BCAS3: variants seen among roughly 807,000 people sequenced by gnomAD.
The protein encoded by BCAS3 is BCAS3 microtubule associated cell migration factor.
Under a neutral mutation model 116.1 loss-of-function variants are expected in BCAS3, and 53 were observed. That is an observed-to-expected ratio of 0.46 (90% CI 0.37 to 0.57). The LOEUF (loss-of-function observed/expected upper bound fraction) is 0.57. BCAS3 is among the 20% of genes least tolerant of loss of function. The pLI is 0.00. For synonymous variants in BCAS3, 391 were observed against 408.2 expected, an observed-to-expected ratio of 0.96 and a Z score of 0.51; for missense variants, 917 against 1,165.4, an observed-to-expected ratio of 0.79 and a Z score of 3.10.
chr17:60,914,604 C>T (rs1415723311), intron 12 of BCAS3, among the ~76,000 whole-genome samples: 1 of 152,122 alleles, frequency 6.6e-6, no homozygotes, highest in East Asian at 1.9e-4. Context: ...TGGGTTTGAA[C>T]TGCACAGGTC....
Position 61,141,918 on chromosome 17 carries a change from AAAGTT to A in BCAS3, c.2425+57356_2425+57360del, listed in dbSNP as rs754218070. ...CCACCTCAAGAAAAAAAAAAAAAAA[AAAGTT>A]AGACAATTATACAGAGATACTCAAG... On this transcript the variant is annotated intron_variant, in intron 22 of 23. Transcript: ENST00000407086. The surrounding 1 kb of genome is among the most constrained non-coding windows in gnomAD (Gnocchi z 4.3). Among the ~76,000 whole-genome samples, 1,201 of 35,702 alleles carry A rather than the reference AAAGTT, an allele frequency of 0.034. 41 individuals are homozygous for A. The highest frequency in any genetic ancestry group is 0.22 in the Non-Finnish European group (411 of 1,894). The allele number at this position is 35,702 out of a possible 152,430, so 23.4% of individuals were successfully genotyped here.
chr17:60,728,526 C>T (rs913461684), intron 5 of BCAS3, among the ~76,000 whole-genome samples: 3 of 151,924 alleles, frequency 2.0e-5, no homozygotes, highest in East Asian at 1.9e-4. Context: ...GTCGCCTAGG[C>T]TGGAGTACAG....
At chr17:60,898,984 A>T (rs1295255551) in intron 10 of BCAS3, among the ~76,000 whole-genome samples, 2 of 151,770 alleles carry the variant, frequency 1.3e-5, no homozygotes, top group South Asian at 4.2e-4. Flanking sequence ...AAAGAAGTGG[A>T]TTGGTTTGGG....
intron 22 of BCAS3, among the ~76,000 whole-genome samples, chr17:61,160,745 TA>T (rs2078124802): frequency 6.6e-6 from 1 of 152,120 alleles, no homozygotes; most frequent in African/African-American, 2.4e-5. Flanking sequence ...TCACTCTAGT[TA>T]AAACTGTGAC....
In BCAS3 at chr17:61,087,072, A is replaced by G. The variant is rs1315341405; in HGVS notation, c.2425+2508A>G. Reference sequence around the variant, plus strand: ...TTGAGTTCTTTATGTAAACATATTTATGGGAAAATTTTGTTGTAGATTCTT... The same window carrying G: ...TTGAGTTCTTTATGTAAACATATTTGTGGGAAAATTTTGTTGTAGATTCTT... On this transcript the variant is annotated intron_variant, in intron 22 of 23. Coordinates refer to ENST00000407086, the MANE Select transcript of BCAS3 (RefSeq NM_017679.5). This position sits in a 1 kb window ranked among gnomAD's most constrained non-coding sequence, Gnocchi z 4.6. 2 of 985,020 alleles carry G rather than the reference A, an allele frequency of 2.0e-6. No individual in the cohort carries two copies. The highest frequency in any genetic ancestry group is 2.4e-6 in the Non-Finnish European group (2 of 829,540). 61.0% of individuals were successfully genotyped at this position (985,020 alleles called of 1,614,324 possible). A position where few individuals can be genotyped will look rare whatever the true frequency, so the allele number is the denominator to read the frequency against.
intron 7 of BCAS3, among the ~76,000 whole-genome samples, chr17:60,865,747 A>T (rs1345872435): frequency 1.3e-5 from 2 of 152,134 alleles, no homozygotes; most frequent in South Asian, 4.1e-4. Context: ...GATGCTTTAA[A>T]TTTATTTATC....
At chr17:61,207,943 T>C (rs2081241020) in intron 22 of BCAS3, among the ~76,000 whole-genome samples, 1 of 152,176 alleles carries the variant, frequency 6.6e-6, no homozygotes, top group African/African-American at 2.4e-5. Context: ...AACATTGGCT[T>C]TGCAAAATTC....
At chr17:60,775,022 C>T (rs1036931394) in intron 6 of BCAS3, among the ~76,000 whole-genome samples, 7 of 152,002 alleles carry the variant, frequency 4.6e-5, no homozygotes, top group African/African-American at 7.2e-5. Flanking sequence ...CTTAGGATAG[C>T]GCTTGGCATG....
intron 22 of BCAS3, among the ~76,000 whole-genome samples, chr17:61,287,143 G>T (rs2051888584): frequency 6.6e-6 from 1 of 151,996 alleles, no homozygotes; most frequent in Non-Finnish European, 1.5e-5. Context: ...AGCTACTGGG[G>T]AGGCTGAGGC....
intron 6 of BCAS3, among the ~76,000 whole-genome samples, chr17:60,779,368 T>C (rs1224849786): frequency 3.3e-5 from 5 of 151,730 alleles, no homozygotes; most frequent in Non-Finnish European, 1.5e-5. Context: ...GTTATTTTCT[T>C]TCTTTTTTTT....
At chr17:60,788,872 A>G (rs1167417800) in intron 6 of BCAS3, among the ~76,000 whole-genome samples, 2 of 152,172 alleles carry the variant, frequency 1.3e-5, no homozygotes, top group Non-Finnish European at 2.9e-5. Context: ...TTTACATATA[A>G]AATGTATTGG....
intron 4 of BCAS3, among the ~76,000 whole-genome samples, chr17:60,690,656 C>T (rs1404886475): frequency 4.0e-5 from 6 of 150,974 alleles, no homozygotes; most frequent in African/African-American, 1.5e-4. Flanking sequence ...CACTTTGGCT[C>T]ATGCTTGCAG....
At chr17:60,868,881 G>A (rs1425205939) in intron 8 of BCAS3, among the ~76,000 whole-genome samples, 198 bp downstream of exon 8, 1 of 152,130 alleles carries the variant, frequency 6.6e-6, no homozygotes, top group East Asian at 1.9e-4. Context: ...ATCCATTAGG[G>A]AATTGTGAAT....
intron 15 of BCAS3, among the ~76,000 whole-genome samples, chr17:61,001,397 C>G (rs1292394292): frequency 2.0e-5 from 3 of 152,154 alleles, no homozygotes; most frequent in Non-Finnish European, 4.4e-5. Context: ...TTTCTTGATA[C>G]AGACCACATC....
At chr17:61,147,707 C>G (rs575318234) in intron 22 of BCAS3, among the ~76,000 whole-genome samples, 11 of 151,760 alleles carry the variant, frequency 7.2e-5, no homozygotes, top group African/African-American at 2.7e-4. Context: ...TAAGTTGGGG[C>G]GGGGCACCGT....
At chr17:61,154,775 G>A (rs1000045498) in intron 22 of BCAS3, among the ~76,000 whole-genome samples, 5 of 152,076 alleles carry the variant, frequency 3.3e-5, no homozygotes, top group African/African-American at 4.8e-5. Context: ...GAACTAAAAC[G>A]TGACTTCTGT....
In BCAS3 at chr17:61,380,420, C is replaced by A; in HGVS notation, c.2594-11557C>A. The A allele has an allele frequency of 7.7e-7, 1 of 1,295,070 alleles. No individual in the cohort carries two copies. Among genetic ancestry groups the A allele is most frequent in the Non-Finnish European group, 1.1e-6 (1 of 922,244 alleles). 80.2% of individuals were successfully genotyped at this position (1,295,070 alleles called of 1,614,324 possible). ...CAGTGGTCAAACCAGATTTGGGTAT[C>A]GACTCACTTTGATCTCAGCTCTTCC... On this transcript the variant is annotated intron_variant, in intron 23 of 23. Coordinates refer to ENST00000407086, the MANE Select transcript of BCAS3 (RefSeq NM_017679.5). This position sits in a 1 kb window ranked among gnomAD's most constrained non-coding sequence, Gnocchi z 4.2.
intron 6 of BCAS3, among the ~76,000 whole-genome samples, chr17:60,798,517 A>G (rs970353265): frequency 6.6e-6 from 1 of 152,170 alleles, no homozygotes; most frequent in Admixed American, 6.5e-5. Flanking sequence ...CCTTCGTTTT[A>G]TGGCTTGATA....
intron 6 of BCAS3, among the ~76,000 whole-genome samples, chr17:60,751,285 T>C (rs1338597010): frequency 2.6e-5 from 4 of 152,184 alleles, no homozygotes; most frequent in Non-Finnish European, 5.9e-5. Flanking sequence ...TTCAATACAA[T>C]ATTCCAGAAA....
Sources: gnomAD v4.1 joint callset for allele counts (sites outside exome capture counted in the v4.1 genomes callset) on GRCh38, gnomAD v4.1.1 for gene constraint, Gnocchi (gnomAD v3.1) non-coding constraint, MANE v1.5 for transcripts, NCBI Gene and HGNC (gene_info 2026-07-23, HGNC 2026-07-21) for gene names.